RAB3B: variants seen among roughly 807,000 people sequenced by gnomAD.
The protein encoded by RAB3B is RAB3B, member RAS oncogene family, also known as ras-related protein Rab-3B.
In RAB3B, 11 loss-of-function variants were observed where a neutral mutation model predicts 20.5. That is an observed-to-expected ratio of 0.54 (90% confidence interval 0.34 to 0.89). The LOEUF is 0.89. RAB3B is among the 40% of genes least tolerant of loss of function. The pLI is 0.02. For missense variants in RAB3B, 225 were observed against 280.9 expected, an observed-to-expected ratio of 0.80 and a Z score of 1.42; for synonymous variants, 99 against 106.3, an observed-to-expected ratio of 0.93 and a Z score of 0.42.
At chr1:51,948,954 G>A (rs1463796575) in intron 2 of RAB3B, among the ~76,000 whole-genome samples, 2 of 152,144 alleles carry the variant, frequency 1.3e-5, no homozygotes, top group Non-Finnish European at 2.9e-5. Context: ...AATGTATGGG[G>A]GTGTCTGTAA....
At chr1:51,931,370 T>C (rs1684321209) in intron 4 of RAB3B, among the ~76,000 whole-genome samples, 1 of 152,182 alleles carries the variant, frequency 6.6e-6, no homozygotes, top group Non-Finnish European at 1.5e-5. Context: ...CATCCCTCTG[T>C]CACAGCCCTG....
chr1:51,953,500 C>G (rs1364265816), intron 2 of RAB3B, among the ~76,000 whole-genome samples: 1 of 152,182 alleles, frequency 6.6e-6, no homozygotes, highest in Non-Finnish European at 1.5e-5. Flanking sequence ...TGTCAAAAGA[C>G]AATTCACAAA....
chr1:51,988,945 G>A (rs879351410), intron 1 of RAB3B, among the ~76,000 whole-genome samples: 1 of 151,682 alleles, frequency 6.6e-6, no homozygotes, highest in Non-Finnish European at 1.5e-5. Flanking sequence ...TCATGACCAG[G>A]AAGGCTTCCC....
Position 51,908,447 on chromosome 1 carries a change from T to C in RAB3B, c.*11480A>G, listed in dbSNP as rs1683950292. 6.6e-6 allele frequency: 1 copy of C among 152,050 alleles called. No homozygotes were observed. The highest frequency in any genetic ancestry group is 1.5e-5 in the Non-Finnish European group (1 of 68,016). The allele number at this position is 152,050 out of a possible 1,614,324, so 9.4% of individuals were successfully genotyped here. On this transcript the variant is annotated 3_prime_UTR_variant, in exon 5 of 5. Transcript: ENST00000371655. ...GCAGTTGGGGGAATTGAATATGATA[T>C]GCAAATTGCATAAGGTGACATCTCT... is the stretch of plus-strand genomic sequence containing the variant.
chr1:51,940,973 A>G (rs893022354), intron 2 of RAB3B, among the ~76,000 whole-genome samples: 1 of 152,024 alleles, frequency 6.6e-6, no homozygotes, highest in African/African-American at 2.4e-5. Flanking sequence ...ACCCACACCC[A>G]ACTTTCAAGG....
chr1:51,988,949 G>C lies in RAB3B; in HGVS notation c.-1+1603C>G, dbSNP rs201113426. On this transcript the variant is annotated intron_variant, in intron 1 of 4. Transcript: ENST00000371655. ...AGCTAAATCCTTCATGACCAGGAAGGCTTCCCCAACCCACCCACCTCCCCC... is the reference window on the plus strand; with the variant it reads ...AGCTAAATCCTTCATGACCAGGAAGCCTTCCCCAACCCACCCACCTCCCCC... 4.0e-5 allele frequency among the ~76,000 whole-genome samples: 6 copies of C among 151,748 alleles called. No homozygotes were observed. In the East Asian group the frequency reaches 5.8e-4, roughly 15 times the overall value.
In RAB3B at chr1:51,911,743, T is replaced by C. The variant is rs993419405; in HGVS notation, c.*8184A>G. ...GGGATGGAGAATAAGCCATCACAGCTTTAGACCTCATATCTTCAAATATTT... is the reference window on the plus strand; with the variant it reads ...GGGATGGAGAATAAGCCATCACAGCCTTAGACCTCATATCTTCAAATATTT... On this transcript the variant is annotated 3_prime_UTR_variant, in exon 5 of 5. Coordinates refer to ENST00000371655, the MANE Select transcript of RAB3B (RefSeq NM_002867.4). The C allele has an allele frequency of 1.3e-5, 2 of 152,176 alleles. No homozygotes were observed. Among genetic ancestry groups the C allele is most frequent in the African/African-American group, 2.4e-5 (1 of 41,444 alleles). The allele number at this position is 152,176 out of a possible 1,614,324, so 9.4% of individuals were successfully genotyped here.
At chr1:51,974,495 C>T (rs779566537) in intron 2 of RAB3B, among the ~76,000 whole-genome samples, 3 of 152,160 alleles carry the variant, frequency 2.0e-5, no homozygotes, top group Non-Finnish European at 4.4e-5. Context: ...ACTAGACGAC[C>T]CGTATAGCTT....
intron 1 of RAB3B, among the ~76,000 whole-genome samples, chr1:51,989,344 T>C (rs1162459498): frequency 6.6e-6 from 1 of 151,000 alleles, no homozygotes; most frequent in Non-Finnish European, 1.5e-5. Flanking sequence ...GTTGCTTCCA[T>C]GCTTGGACTA....
chr1:51,930,041 T>C (rs1037742987), intron 4 of RAB3B, among the ~76,000 whole-genome samples: 1 of 152,164 alleles, frequency 6.6e-6, no homozygotes, highest in Non-Finnish European at 1.5e-5. Context: ...AATAGGCAAG[T>C]TCTGGTGATC....
intron 2 of RAB3B, among the ~76,000 whole-genome samples, chr1:51,937,969 T>C (rs1166265567): frequency 4.1e-5 from 6 of 147,728 alleles, no homozygotes; most frequent in Middle Eastern, 3.6e-3. Flanking sequence ...AATTATTACA[T>C]AAAAAGTTTT....
intron 1 of RAB3B, among the ~76,000 whole-genome samples, chr1:51,981,155 C>T (rs777169321): frequency 2.0e-4 from 30 of 152,238 alleles, no homozygotes; most frequent in South Asian, 4.2e-4. Flanking sequence ...CTCAGCCTCC[C>T]GAGTAGCTGG....
chr1:51,965,795 G>A (rs1222665404), intron 2 of RAB3B, among the ~76,000 whole-genome samples: 6 of 152,012 alleles, frequency 3.9e-5, no homozygotes, highest in Non-Finnish European at 8.8e-5. Context: ...AAATAAAGAC[G>A]GTAGTTTAAT....
chr1:51,923,476 G>C lies in RAB3B; in HGVS notation c.473-3362C>G, dbSNP rs577760367. Among the ~76,000 whole-genome samples the C allele has an allele frequency of 1.2e-4, 19 of 152,276 alleles. No homozygotes were observed. In the East Asian group the frequency reaches 3.5e-3, roughly 28 times the overall value. On this transcript the variant is annotated intron_variant, in intron 4 of 4. Coordinates refer to ENST00000371655, the MANE Select transcript of RAB3B (RefSeq NM_002867.4). The stretch of plus-strand genomic sequence containing the variant: ...CACGCCTGTAATCCCTGCAGTTTGG[G>C]AGGCCGAGGTGGGTGGATCACCTGA...
chr1:51,938,980 A>G (rs1684452458), intron 2 of RAB3B, among the ~76,000 whole-genome samples: 2 of 152,176 alleles, frequency 1.3e-5, no homozygotes, highest in African/African-American at 4.8e-5. Flanking sequence ...TATTTTTATT[A>G]TCTCTACAAT....
At chr1:51,946,230 T>C (rs1258087463) in intron 2 of RAB3B, among the ~76,000 whole-genome samples, 1 of 152,140 alleles carries the variant, frequency 6.6e-6, no homozygotes, top group East Asian at 1.9e-4. Flanking sequence ...GCTATTACTG[T>C]TGATATTGTT....
At chr1:51,978,426 T>C (rs551685923) in intron 1 of RAB3B, among the ~76,000 whole-genome samples, 56 of 152,308 alleles carry the variant, frequency 3.7e-4, no homozygotes, top group African/African-American at 1.3e-3. Flanking sequence ...CATATGTCCT[T>C]ATTATTCCAA....
At chr1:51,939,782 C>T (rs1161836744) in intron 2 of RAB3B, among the ~76,000 whole-genome samples, 2 of 152,114 alleles carry the variant, frequency 1.3e-5, no homozygotes, top group Admixed American at 6.6e-5. Context: ...ACTATGTAGC[C>T]ATGGCTGGTC....
intron 2 of RAB3B, among the ~76,000 whole-genome samples, chr1:51,972,289 C>T (rs1349552587): frequency 6.6e-6 from 1 of 152,050 alleles, no homozygotes; most frequent in African/African-American, 2.4e-5. Flanking sequence ...AAAGTGAAAC[C>T]AAGGATAAGA....
Sources: gnomAD v4.1 joint callset for allele counts (sites outside exome capture counted in the v4.1 genomes callset) on GRCh38, gnomAD v4.1.1 for gene constraint, MANE v1.5 for transcripts, NCBI Gene and HGNC (gene_info 2026-07-23, HGNC 2026-07-21) for gene names.